SDR9C7: variants seen among roughly 807,000 people sequenced by gnomAD.
SDR9C7 encodes the protein short-chain dehydrogenase/reductase family 9C member 7.
SDR9C7 carries 11 observed loss-of-function variants against 23.6 expected under a neutral mutation model. The observed-to-expected ratio is 0.47, with a 90% confidence interval of 0.29 to 0.77. The LOEUF (loss-of-function observed/expected upper bound fraction) is 0.77. SDR9C7 is among the 30% of genes least tolerant of loss of function. The pLI is 0.09. For synonymous variants in SDR9C7, 167 were observed against 157.3 expected (o/e 1.06, Z -0.46); for missense variants, 387 against 407.1 (o/e 0.95, Z 0.42).
Position 56,923,716 on chromosome 12 carries a change from G to A in SDR9C7, c.*117C>T, listed in dbSNP as rs1955713094. 1 of 841,340 alleles carries A rather than the reference G, an allele frequency of 1.2e-6. No individual in the cohort carries two copies. Among genetic ancestry groups the A allele is most frequent in the South Asian group, 1.8e-5 (1 of 54,194 alleles). 52.1% of individuals were successfully genotyped at this position (841,340 alleles called of 1,614,324 possible). ...TTCGACAGCAGTGGGTGTCAGCTGAGCCAAGCTTCCTTTGCAGCCAATGCC... is the reference window on the plus strand; with the variant it reads ...TTCGACAGCAGTGGGTGTCAGCTGAACCAAGCTTCCTTTGCAGCCAATGCC... On this transcript the variant is annotated 3_prime_UTR_variant, in exon 4 of 4. Coordinates refer to ENST00000293502, the MANE Select transcript of SDR9C7 (RefSeq NM_148897.3).
intron 3 of SDR9C7, among the ~76,000 whole-genome samples, chr12:56,926,250 T>C (rs1955733108): frequency 6.6e-6 from 1 of 152,204 alleles, no homozygotes; most frequent in Non-Finnish European, 1.5e-5. Flanking sequence ...CTAGGACTAC[T>C]CCTAAATATC....
chr12:56,931,092 A>G (rs1305384759), intron 1 of SDR9C7, among the ~76,000 whole-genome samples: 1 of 152,020 alleles, frequency 6.6e-6, no homozygotes, highest in Non-Finnish European at 1.5e-5. Flanking sequence ...AAAATTAGTC[A>G]GGCGTGGTGG....
chr12:56,929,671 G>A, intron 2 of SDR9C7, 118 bp from the exon 3 acceptor site: 1 of 1,228,372 alleles, frequency 8.1e-7, no homozygotes, highest in Non-Finnish European at 1.1e-6. Flanking sequence ...CCCTGTACTT[G>A]GCCCTGGCAT....
chr12:56,924,945 A>G (rs1955723621), intron 3 of SDR9C7, among the ~76,000 whole-genome samples: 1 of 152,176 alleles, frequency 6.6e-6, no homozygotes, highest in Non-Finnish European at 1.5e-5. Flanking sequence ...CTGGAGAATA[A>G]CAAAGATGAT....
intron 3 of SDR9C7, among the ~76,000 whole-genome samples, chr12:56,925,570 A>T (rs1955728051): frequency 6.6e-6 from 1 of 152,156 alleles, no homozygotes; most frequent in Non-Finnish European, 1.5e-5. Context: ...ACTCCGAGAA[A>T]CTCCATTTTC....
At chr12:56,932,262 T>C (rs1232090593) in intron 1 of SDR9C7, among the ~76,000 whole-genome samples, 1 of 151,880 alleles carries the variant, frequency 6.6e-6, no homozygotes, top group Non-Finnish European at 1.5e-5. Context: ...AAGTCCTAAG[T>C]GGAAAGAGGC....
chr12:56,931,665 C>A (rs1460875552), intron 1 of SDR9C7, among the ~76,000 whole-genome samples: 1 of 152,116 alleles, frequency 6.6e-6, no homozygotes. Context: ...GAGGAAAATG[C>A]AGGAGAAGCT....
In SDR9C7 at chr12:56,930,216, GC is replaced by G; in HGVS notation, c.560+9del. ...TCACCCAGAATTGTTCAGTACCAGG[GC>G]CCAGTTACCTTATGCTGTCAGAGAA... On this transcript the variant is annotated intron_variant, in intron 2 of 3. Transcript: ENST00000293502. 1 of 1,613,752 alleles carries G rather than the reference GC, an allele frequency of 6.2e-7. No individual in the cohort carries two copies. The highest frequency in any genetic ancestry group is 1.1e-5 in the South Asian group (1 of 91,052).
intron 3 of SDR9C7, among the ~76,000 whole-genome samples, chr12:56,926,229 C>G (rs1020411839): frequency 6.6e-6 from 1 of 152,150 alleles, no homozygotes; most frequent in African/African-American, 2.4e-5. Flanking sequence ...GAGTTTGTAC[C>G]CAGCGATGCT....
intron 2 of SDR9C7, among the ~76,000 whole-genome samples, chr12:56,929,959 TC>T (rs1469793534): frequency 6.6e-6 from 1 of 152,130 alleles, no homozygotes; most frequent in Non-Finnish European, 1.5e-5. Flanking sequence ...TGGGGGACTC[TC>T]CCTCCTCTCA....
intron 2 of SDR9C7, among the ~76,000 whole-genome samples, chr12:56,929,790 G>C (rs557698059): frequency 6.6e-6 from 1 of 152,346 alleles, no homozygotes; most frequent in African/African-American, 2.4e-5. Context: ...GAAGTCAATA[G>C]AGAATCTAGG....
chr12:56,923,703 G>A lies in SDR9C7; in HGVS notation c.*130C>T. 2 of 712,324 alleles carry A rather than the reference G, an allele frequency of 2.8e-6. No individual in the cohort carries two copies. Among genetic ancestry groups the A allele is most frequent in the Non-Finnish European group, 4.7e-6 (2 of 427,792 alleles). 44.1% of individuals were successfully genotyped at this position (712,324 alleles called of 1,614,324 possible). On this transcript the variant is annotated 3_prime_UTR_variant, in exon 4 of 4. Transcript: ENST00000293502. ...AGTTACTGGTAAATTCGACAGCAGT[G>A]GGTGTCAGCTGAGCCAAGCTTCCTT...
At chr12:56,924,125 G>T in intron 3 of SDR9C7, 75 bp from the exon 4 acceptor site, 3 of 1,045,816 alleles carry the variant, frequency 2.9e-6, no homozygotes, top group Non-Finnish European at 4.2e-6. Context: ...TTCCATCCAA[G>T]TTCCCTTTCC....
At chr12:56,926,454 C>T (rs1057290120) in intron 3 of SDR9C7, among the ~76,000 whole-genome samples, 1 of 152,160 alleles carries the variant, frequency 6.6e-6, no homozygotes, top group African/African-American at 2.4e-5. Flanking sequence ...AGGATAAGAG[C>T]CATGCTCCCT....
chr12:56,929,671 G>C (rs1955756008), intron 2 of SDR9C7, 118 bp from the exon 3 acceptor site: 4 of 1,228,372 alleles, frequency 3.3e-6, no homozygotes, highest in Non-Finnish European at 4.5e-6. Context: ...CCCTGTACTT[G>C]GCCCTGGCAT....
rs1955710597 is a variant in SDR9C7, at chr12:56,923,304, A to T, written c.*529T>A. Reference sequence around the variant, plus strand: ...ATAACCTATAGATAGAAGAATCTAAAAAGAAAGAAAATATTTTAAACTTTT... The same window carrying T: ...ATAACCTATAGATAGAAGAATCTAATAAGAAAGAAAATATTTTAAACTTTT... On this transcript the variant is annotated 3_prime_UTR_variant, in exon 4 of 4. Coordinates refer to ENST00000293502, the MANE Select transcript of SDR9C7 (RefSeq NM_148897.3). 6.6e-6 allele frequency: 1 copy of T among 152,440 alleles called. No individual in the cohort carries two copies. The highest frequency in any genetic ancestry group is 2.4e-5 in the African/African-American group (1 of 41,462). The allele number at this position is 152,440 out of a possible 1,614,324, so 9.4% of individuals were successfully genotyped here.
rs769900261 is a variant in SDR9C7, at chr12:56,934,256, C to T, written c.6G>A (p.Ala2=). Residue 2 remains alanine, a synonymous_variant, in exon 1 of 4, where the codon GCG becomes GCA. Coordinates refer to ENST00000293502, the MANE Select transcript of SDR9C7 (RefSeq NM_148897.3). ...ACATAAATGAGAGGTCTGTGAGGGCCGCCATAGGGCAAGGGGAATGTGATG... is the reference window on the plus strand; with the variant it reads ...ACATAAATGAGAGGTCTGTGAGGGCTGCCATAGGGCAAGGGGAATGTGATG... M[A]ALTDLSFMYR... 3.5e-5 allele frequency: 56 copies of T among 1,611,756 alleles called. No individual in the cohort carries two copies. Among genetic ancestry groups the T allele is most frequent in the Admixed American group, 8.3e-5 (5 of 59,956 alleles).
chr12:56,927,243 T>G (rs1955740274), intron 3 of SDR9C7, among the ~76,000 whole-genome samples: 1 of 152,188 alleles, frequency 6.6e-6, no homozygotes, highest in Admixed American at 6.5e-5. Flanking sequence ...TTATACATAT[T>G]CTTTCATGGA....
At chr12:56,926,799 C>T (rs570760994) in intron 3 of SDR9C7, among the ~76,000 whole-genome samples, 1 of 152,328 alleles carries the variant, frequency 6.6e-6, no homozygotes, top group Non-Finnish European at 1.5e-5. Flanking sequence ...TTGTGTGAAA[C>T]ATCCGCCATC....
Sources: gnomAD v4.1 joint callset for allele counts (sites outside exome capture counted in the v4.1 genomes callset) on GRCh38, gnomAD v4.1.1 for gene constraint, MANE v1.5 for transcripts, NCBI Gene and HGNC (gene_info 2026-07-23, HGNC 2026-07-21) for gene names.